The following FANCB variants were observed in gnomAD, a reference collection of about 807,000 sequenced individuals.
FANCB encodes Fanconi anemia group B protein.
A neutral mutation model predicts 38.9 loss-of-function variants in FANCB; 5 were observed. The observed-to-expected ratio is 0.13, with a 90% CI of 0.07 to 0.27. The LOEUF (loss-of-function observed/expected upper bound fraction) is 0.27, where lower values mean the gene tolerates loss of function less well. Ranked by LOEUF, FANCB falls within the 10% of genes least tolerant of loss-of-function variation. FANCB has a pLI of 1.00. For synonymous variants in FANCB, 236 were observed against 215.4 expected (o/e 1.10, Z -0.84); for missense variants, 573 against 602.7 (o/e 0.95, Z 0.52).
At chrX:14,868,765 G>C (rs1271518647) in intron 2 of FANCB, among the ~76,000 whole-genome samples, 158 bp downstream of exon 2, 1 of 112,048 alleles carries the variant, frequency 8.9e-6, no homozygotes, top group Non-Finnish European at 1.9e-5. Flanking sequence ...CAGGAAGAAA[G>C]GATACATTCA....
At chrX:14,824,528 C>G in the FANCB span, among the ~76,000 whole-genome samples, 1 of 111,865 alleles carries the variant, frequency 8.9e-6, no homozygotes, top group Admixed American at 9.5e-5. Flanking sequence ...AAAACTATCA[C>G]AAACATTAGT....
intron 7 of FANCB, among the ~76,000 whole-genome samples, chrX:14,847,161 G>C (rs2092380306): frequency 9.0e-6 from 1 of 110,534 alleles, no homozygotes; most frequent in Admixed American, 9.7e-5. Context: ...ATAATTACTG[G>C]AGCAGAGTGA....
the FANCB span, among the ~76,000 whole-genome samples, chrX:14,712,806 TC>T: frequency 1.8e-5 from 2 of 111,011 alleles, no homozygotes; most frequent in Admixed American, 1.9e-4. Context: ...CAAAGTAAGA[TC>T]ATAAAGTGGG....
chrX:14,757,898 C>T, the FANCB span, among the ~76,000 whole-genome samples: 2 of 111,507 alleles, frequency 1.8e-5, no homozygotes, highest in South Asian at 3.8e-4. Context: ...AGGCGGCAGA[C>T]GGAGAGGCAT....
chrX:14,870,187 G>T (rs2092488629), intron 1 of FANCB, among the ~76,000 whole-genome samples: 1 of 111,158 alleles, frequency 9.0e-6, no homozygotes, highest in African/African-American at 3.3e-5. Context: ...TAAAGTTCTT[G>T]GGATATGTTC....
the FANCB span, among the ~76,000 whole-genome samples, chrX:14,786,853 T>C: frequency 1.8e-5 from 2 of 111,554 alleles, no homozygotes; most frequent in Admixed American, 9.6e-5. Context: ...GTTTATGACA[T>C]AACACCAGAA....
chrX:14,789,078 A>G, the FANCB span, among the ~76,000 whole-genome samples: 1 of 111,984 alleles, frequency 8.9e-6, no homozygotes, highest in African/African-American at 3.2e-5. Flanking sequence ...CTTATTTAAT[A>G]CCACAACACT....
At chrX:14,835,559 G>C (rs1242309457), downstream of FANCB, among the ~76,000 whole-genome samples, 2 of 111,925 alleles carry the variant, frequency 1.8e-5, no homozygotes, top group African/African-American at 6.5e-5. Flanking sequence ...TGATTTAGCA[G>C]GTTTCGGGTA....
At chrX:14,766,926 T>A in the FANCB span, among the ~76,000 whole-genome samples, 1 of 111,675 alleles carries the variant, frequency 9.0e-6, no homozygotes, top group African/African-American at 3.3e-5. Flanking sequence ...CTCCCACTTA[T>A]AAGTGAGAAC....
chrX:14,753,372 C>A, the FANCB span, among the ~76,000 whole-genome samples: 2 of 112,255 alleles, frequency 1.8e-5, no homozygotes, highest in East Asian at 5.6e-4. Context: ...AAAATGCAAG[C>A]CATTATTTTT....
chrX:14,701,018 G>T, the FANCB span, among the ~76,000 whole-genome samples: 2 of 110,304 alleles, frequency 1.8e-5, no homozygotes, highest in East Asian at 5.7e-4. Flanking sequence ...AAGTTTGTGG[G>T]TGGGTGGGTA....
At chrX:14,859,371 GA>G (rs772510115) in intron 3 of FANCB, 37 bp from the exon 4 acceptor site, 12 of 1,026,933 alleles carry the variant, frequency 1.2e-5, no homozygotes, top group Middle Eastern at 2.6e-4. Flanking sequence ...GAGTAGACAA[GA>G]AAAAATCGAA....
At chrX:14,743,751 G>A in the FANCB span, among the ~76,000 whole-genome samples, 1 of 110,905 alleles carries the variant, frequency 9.0e-6, no homozygotes, top group East Asian at 2.8e-4. Flanking sequence ...TGTCAGCAGG[G>A]CCATGTTCCC....
In FANCB at chrX:14,868,487, C is replaced by T. The variant is rs942302321; in HGVS notation, c.-71+436G>A. Among the ~76,000 whole-genome samples, 5 of 111,323 alleles carry T rather than the reference C, an allele frequency of 4.5e-5. No homozygotes were observed. In the East Asian group the frequency reaches 8.5e-4, roughly 19 times the overall value. ...AAGCCAATCACAAAAAGACAAATAC[C>T]GCATGATCTCACTAATAGCTGGAAT... On this transcript the variant is annotated intron_variant, in intron 2 of 9. Transcript: ENST00000650831.
the FANCB span, among the ~76,000 whole-genome samples, chrX:14,811,615 G>A: frequency 5.4e-5 from 6 of 111,872 alleles, no homozygotes; most frequent in African/African-American, 1.6e-4. Flanking sequence ...AAGAAGAGCT[G>A]ACTATCCTAA....
At chrX:14,733,257 G>A in the FANCB span, among the ~76,000 whole-genome samples, 7 of 111,867 alleles carry the variant, frequency 6.3e-5, no homozygotes, top group Non-Finnish European at 1.3e-4. Flanking sequence ...GTACCATGCT[G>A]TTATGGTTAC....
the FANCB span, among the ~76,000 whole-genome samples, chrX:14,754,013 T>C: frequency 8.9e-6 from 1 of 112,306 alleles, no homozygotes; most frequent in African/African-American, 3.2e-5. Context: ...AGCCAATGTT[T>C]GCCCCCTCCC....
At chrX:14,811,139 C>T in the FANCB span, among the ~76,000 whole-genome samples, 17 of 110,671 alleles carry the variant, frequency 1.5e-4, no homozygotes, top group African/African-American at 5.6e-4. Context: ...CACCACCAGG[C>T]CTGCCCTAAA....
At chrX:14,773,634 C>T in the FANCB span, among the ~76,000 whole-genome samples, 3 of 111,911 alleles carry the variant, frequency 2.7e-5, no homozygotes, top group East Asian at 8.4e-4. Context: ...GAAAGGAATA[C>T]TGAACCTTTA....
Sources: allele counts gnomAD v4.1 joint callset (sites outside exome capture counted in the v4.1 genomes callset), GRCh38; gene constraint gnomAD v4.1.1; transcripts MANE v1.5; gene names NCBI Gene and HGNC (gene_info 2026-07-23, HGNC 2026-07-21).